CD109: variants seen among roughly 807,000 people sequenced by gnomAD.
The protein encoded by CD109 is CD109 antigen.
In CD109, 149 loss-of-function variants were observed where a neutral mutation model predicts 165.8. The observed-to-expected ratio is 0.90, with a 90% confidence interval of 0.79 to 1.03. The LOEUF is 1.03. CD109 is among the 50% of genes least tolerant of loss of function. CD109 has a pLI of 0.00. For synonymous variants in CD109, 585 were observed against 592.1 expected (o/e 0.99, Z 0.18); for missense variants, 1,712 against 1,677.8 (o/e 1.02, Z -0.36).
chr6:73,693,252 A>T (rs111588442), upstream of CD109, among the ~76,000 whole-genome samples: 76 of 152,074 alleles, frequency 5.0e-4, no homozygotes, highest in African/African-American at 1.8e-3. Flanking sequence ...GGCTGCTTCC[A>T]CTCATGTGGA....
At chr6:73,696,332 T>TGGGCCGCTCTGCGGCTCTGGGCCA in intron 1 of CD109, 43 bp downstream of exon 1, 1 of 1,376,380 alleles carries the variant, frequency 7.3e-7, no homozygotes, top group East Asian at 3.0e-5. Flanking sequence ...CGCGCGGGCC[T>TGGGCCGCTCTGCGGCTCTGGGCCA]GGGCCGCTCT....
At chr6:73,743,534 A>G (rs998020104) in intron 5 of CD109, among the ~76,000 whole-genome samples, 1 of 152,184 alleles carries the variant, frequency 6.6e-6, no homozygotes, top group African/African-American at 2.4e-5. Flanking sequence ...TGCTTTTTAT[A>G]ACCTTTCAGG....
At chr6:73,742,218 A>G (rs1254605146) in intron 5 of CD109, among the ~76,000 whole-genome samples, 1 of 134,698 alleles carries the variant, frequency 7.4e-6, no homozygotes, top group African/African-American at 2.9e-5. Flanking sequence ...TGTACATTCT[A>G]TCTCTGTGGT....
In CD109 at chr6:73,771,576, G is replaced by A. The variant is rs774575434; in HGVS notation, c.1822G>A (p.Glu608Lys). Reference protein sequence around the residue: ...LMNASNDITMENVVHELELYN... With the variant: ...LMNASNDITMKNVVHELELYN... ...GAATGCCTCTAATGATATTACAATGGAAAATGTGAGTTTAGCTATTTTTTC... is the reference window on the plus strand; with the variant it reads ...GAATGCCTCTAATGATATTACAATGAAAAATGTGAGTTTAGCTATTTTTTC... Residue 608 changes from glutamate to lysine, a missense_variant, in exon 15 of 33, where the codon GAA (glutamate) becomes AAA (lysine). Transcript: ENST00000287097. 167 of 1,551,040 alleles carry A rather than the reference G, an allele frequency of 1.1e-4. 1 individual carries two copies. The highest frequency in any genetic ancestry group is 1.4e-4 in the Non-Finnish European group (165 of 1,152,342).
At chr6:73,683,015 G>A in the CD109 span, among the ~76,000 whole-genome samples, 9 of 152,244 alleles carry the variant, frequency 5.9e-5, no homozygotes, top group South Asian at 1.7e-3. Flanking sequence ...GTGATGGGAG[G>A]GGCTGCTGCA....
At chr6:73,723,572 C>T (rs1266127928) in intron 3 of CD109, among the ~76,000 whole-genome samples, 3 of 152,144 alleles carry the variant, frequency 2.0e-5, no homozygotes, top group Non-Finnish European at 2.9e-5. Context: ...TAAAAAGGAA[C>T]GAGACCATGT....
At chr6:73,682,241 G>A in the CD109 span, among the ~76,000 whole-genome samples, 13 of 152,146 alleles carry the variant, frequency 8.5e-5, no homozygotes, top group Non-Finnish European at 1.8e-4. Context: ...TCAAAAGCAG[G>A]TTAGTTGCTT....
chr6:73,753,957 G>A (rs1220237861), intron 5 of CD109, among the ~76,000 whole-genome samples: 1 of 152,144 alleles, frequency 6.6e-6, no homozygotes, highest in African/African-American at 2.4e-5. Context: ...ACTAGGTTCT[G>A]TGCTCTCAAG....
At chr6:73,788,405 C>A in intron 21 of CD109, 63 bp from the exon 22 acceptor site, 1 of 1,461,488 alleles carries the variant, frequency 6.8e-7, no homozygotes, top group Non-Finnish European at 9.3e-7. Flanking sequence ...CTCATATCTG[C>A]GTATAGTTCT....
At chr6:73,818,640 C>T (rs2150310299) in intron 31 of CD109, 105 bp downstream of exon 31, 1 of 1,049,132 alleles carries the variant, frequency 9.5e-7, no homozygotes, top group Middle Eastern at 3.1e-4. Flanking sequence ...GTTATTTCAA[C>T]TTTTTGTGTC....
Position 73,806,902 on chromosome 6 carries a change from C to T in CD109, c.3019C>T (p.Gln1007Ter). The T allele has an allele frequency of 6.2e-7, 1 of 1,613,796 alleles. No homozygotes were observed. Among genetic ancestry groups the T allele is most frequent in the Non-Finnish European group, 8.5e-7 (1 of 1,179,922 alleles). The change falls in exon 25 of 33, where the codon CAG becomes TAG. Residue 1007 changes from glutamine to a stop codon, truncating the protein, a stop_gained. Transcript: ENST00000287097. LOFTEE classifies it high-confidence loss of function. ...AGCCGATCCTTACATAGATATTGATCAGAATGTGTTACACAGAACATACAC... is the reference window on the plus strand; with the variant it reads ...AGCCGATCCTTACATAGATATTGATTAGAATGTGTTACACAGAACATACAC... ...LEADPYIDID[Q>*]NVLHRTYTWL...
intron 16 of CD109, among the ~76,000 whole-genome samples, chr6:73,781,049 CGTGT>C (rs1004994739): frequency 2.1e-5 from 3 of 145,638 alleles, no homozygotes; most frequent in Admixed American, 1.4e-4. Context: ...TGGGCATGTG[CGTGT>C]GTGTGTTTGA....
intron 25 of CD109, 115 bp from the exon 26 acceptor site, chr6:73,807,968 G>A (rs1775628431): frequency 7.5e-6 from 6 of 802,068 alleles, no homozygotes; most frequent in South Asian, 5.3e-5. Flanking sequence ...ACAAGGTCAG[G>A]TACTTCATAG....
At chr6:73,763,919 C>G (rs191682424) in intron 10 of CD109, among the ~76,000 whole-genome samples, 1 of 151,956 alleles carries the variant, frequency 6.6e-6, no homozygotes, top group African/African-American at 2.4e-5. Flanking sequence ...TTTTTTTTTA[C>G]AAGCAATTTA....
At chr6:73,749,082 C>T (rs1773086913) in intron 5 of CD109, among the ~76,000 whole-genome samples, 1 of 152,078 alleles carries the variant, frequency 6.6e-6, no homozygotes, top group Non-Finnish European at 1.5e-5. Flanking sequence ...AAATATGAAG[C>T]TTTTGTGTTG....
chr6:73,730,397 C>A lies in CD109; in HGVS notation c.330C>A (p.Thr110=), dbSNP rs972091957. Reference sequence around the variant, plus strand: ...ATGAGCTACGTGTAACCGGACGTACCCAGGATGAGATTTTATTCTCTAATA... The same window carrying A: ...ATGAGCTACGTGTAACCGGACGTACACAGGATGAGATTTTATTCTCTAATA... ...EIYELRVTGR[T]QDEILFSNST... is the part of the protein sequence containing the mutation. Residue 110 remains threonine, a synonymous_variant, in exon 4 of 33, where the codon ACC becomes ACA. Transcript: ENST00000287097. The A allele has an allele frequency of 1.9e-6, 3 of 1,613,976 alleles. No individual in the cohort carries two copies. Among genetic ancestry groups the A allele is most frequent in the Non-Finnish European group, 1.7e-6 (2 of 1,179,932 alleles).
At chr6:73,682,524 A>G in the CD109 span, among the ~76,000 whole-genome samples, 1 of 152,070 alleles carries the variant, frequency 6.6e-6, no homozygotes, top group Non-Finnish European at 1.5e-5. Flanking sequence ...GATGATGTTG[A>G]GTGTCTGCAG....
chr6:73,748,845 T>C (rs1479891388), intron 5 of CD109, among the ~76,000 whole-genome samples: 3 of 152,226 alleles, frequency 2.0e-5, no homozygotes, highest in African/African-American at 7.2e-5. Flanking sequence ...ACATTTTCTC[T>C]CATTTTGCAA....
the CD109 span, among the ~76,000 whole-genome samples, chr6:73,687,043 T>C: frequency 1.4e-4 from 21 of 152,338 alleles, no homozygotes; most frequent in African/African-American, 5.1e-4. Context: ...ATAGCTACTG[T>C]ATAAGATACA....
Sources: gnomAD v4.1 joint callset for allele counts (sites outside exome capture counted in the v4.1 genomes callset) on GRCh38, gnomAD v4.1.1 for gene constraint, MANE v1.5 for transcripts, NCBI Gene and HGNC (gene_info 2026-07-23, HGNC 2026-07-21) for gene names.